The following ATP8A2 variants were observed in gnomAD, a reference collection of about 807,000 sequenced individuals.
The protein encoded by ATP8A2 is ATPase phospholipid transporting 8A2.
ATP8A2 carries 100 observed loss-of-function variants against 165.6 expected under a neutral mutation model. The observed-to-expected ratio is 0.60, with a 90% CI of 0.51 to 0.71. ATP8A2 has a LOEUF of 0.71. Ranked by LOEUF, ATP8A2 falls within the 30% of genes least tolerant of loss-of-function variation. The pLI is 0.00. For synonymous variants in ATP8A2, 543 were observed against 548.8 expected (o/e 0.99, Z 0.15); for missense variants, 1,227 against 1,479.5 (o/e 0.83, Z 2.80).
At chr13:25,618,278 A>G (rs1338325361) in intron 24 of ATP8A2, among the ~76,000 whole-genome samples, 1 of 152,154 alleles carries the variant, frequency 6.6e-6, no homozygotes, top group East Asian at 1.9e-4. Flanking sequence ...GTGCGTGTTT[A>G]TAAACACGAG....
chr13:25,405,358 C>G (rs1025864479), intron 1 of ATP8A2, among the ~76,000 whole-genome samples: 1 of 152,224 alleles, frequency 6.6e-6, no homozygotes, highest in African/African-American at 2.4e-5. Context: ...TATGATGAGT[C>G]ATGGATGCCC....
At chr13:25,397,268 T>G (rs2033460540) in intron 1 of ATP8A2, among the ~76,000 whole-genome samples, 3 of 152,212 alleles carry the variant, frequency 2.0e-5, no homozygotes, top group South Asian at 2.1e-4. Context: ...GAAAAAGGCT[T>G]GTCTCCTTCT....
chr13:25,564,141 T>C, intron 16 of ATP8A2, 110 bp downstream of exon 16: 2 of 770,284 alleles, frequency 2.6e-6, no homozygotes, highest in Non-Finnish European at 4.6e-6. Flanking sequence ...GGGAAAAGTC[T>C]CGACTTGATG....
At chr13:25,846,681 G>A (rs1204071319) in intron 30 of ATP8A2, among the ~76,000 whole-genome samples, 2 of 152,142 alleles carry the variant, frequency 1.3e-5, no homozygotes, top group Admixed American at 1.3e-4. Context: ...GCAGGGAGCT[G>A]TGCAGTCTGA....
At chr13:25,731,832 T>G (rs2138093729) in intron 25 of ATP8A2, among the ~76,000 whole-genome samples, 1 of 152,344 alleles carries the variant, frequency 6.6e-6, no homozygotes, top group African/African-American at 2.4e-5. Context: ...GAACTTGTTC[T>G]TTTTAAGCAA....
At chr13:25,409,661 A>T (rs1321022011) in intron 1 of ATP8A2, among the ~76,000 whole-genome samples, 2 of 152,206 alleles carry the variant, frequency 1.3e-5, no homozygotes, top group African/African-American at 4.8e-5. Context: ...ATGTACATCA[A>T]TGAAACAGGA....
chr13:25,418,547 T>C lies in ATP8A2; in HGVS notation c.76+46259T>C, dbSNP rs377457565. On this transcript the variant is annotated intron_variant, in intron 1 of 36. Coordinates refer to ENST00000381655, the MANE Select transcript of ATP8A2 (RefSeq NM_016529.6). ...AGAGAGAACTGGGAAGATGTTACAA[T>C]TGATTCCAGGCAGAATGCAAAGAGC... 7.2e-5 allele frequency among the ~76,000 whole-genome samples: 11 copies of C among 152,230 alleles called. No individual in the cohort carries two copies. The South Asian group carries it at 1.7e-3, about 23-fold the overall frequency.
intron 2 of ATP8A2, among the ~76,000 whole-genome samples, chr13:25,522,896 G>T (rs1010823358): frequency 2.6e-5 from 4 of 152,068 alleles, no homozygotes; most frequent in African/African-American, 7.2e-5. Flanking sequence ...GGCCAAGTTG[G>T]GTGAATCACT....
chr13:25,774,969 G>C lies in ATP8A2; in HGVS notation c.2679+10G>C, dbSNP rs1483610468. On this transcript the variant is annotated intron_variant, in intron 27 of 36. Coordinates refer to ENST00000381655, the MANE Select transcript of ATP8A2 (RefSeq NM_016529.6). Reference sequence around the variant, plus strand: ...CCTGTATATTATTGAGGTAAGAAGGGGTATTTTTTTTCCTTGAAGAGAAAG... The same window carrying C: ...CCTGTATATTATTGAGGTAAGAAGGCGTATTTTTTTTCCTTGAAGAGAAAG... The C allele has an allele frequency of 6.7e-7, 1 of 1,482,692 alleles. No homozygotes were observed. The highest frequency in any genetic ancestry group is 9.3e-7 in the Non-Finnish European group (1 of 1,072,646). 91.8% of individuals were successfully genotyped at this position (1,482,692 alleles called of 1,614,324 possible). A position where few individuals can be genotyped will look rare whatever the true frequency, so the allele number is the denominator to read the frequency against.
At chr13:25,918,581 A>G (rs1359905549) in intron 33 of ATP8A2, among the ~76,000 whole-genome samples, 3 of 152,156 alleles carry the variant, frequency 2.0e-5, no homozygotes, top group Admixed American at 2.0e-4. Flanking sequence ...GCAGCAGTTT[A>G]TGTTATAATA....
chr13:25,411,750 A>T (rs2033972843), intron 1 of ATP8A2, among the ~76,000 whole-genome samples: 1 of 152,226 alleles, frequency 6.6e-6, no homozygotes, highest in African/African-American at 2.4e-5. Context: ...AAATTGGCCG[A>T]TACTGGAAGG....
At chr13:25,777,232 T>G (rs1188129539) in intron 27 of ATP8A2, among the ~76,000 whole-genome samples, 1 of 152,210 alleles carries the variant, frequency 6.6e-6, no homozygotes, top group Admixed American at 6.5e-5. Context: ...GATATTAATT[T>G]GAAAACCAAG....
chr13:26,019,136 G>A (rs760848116), intron 36 of ATP8A2, among the ~76,000 whole-genome samples: 7 of 152,196 alleles, frequency 4.6e-5, no homozygotes, highest in South Asian at 2.1e-4. Context: ...GCTCAGGCCT[G>A]TAATCCCAGC....
chr13:25,663,889 A>G (rs1291355533), intron 24 of ATP8A2, among the ~76,000 whole-genome samples: 1 of 152,186 alleles, frequency 6.6e-6, no homozygotes, highest in Non-Finnish European at 1.5e-5. Flanking sequence ...TGAGGGGAAA[A>G]TATTCTGAAG....
intron 24 of ATP8A2, among the ~76,000 whole-genome samples, chr13:25,638,162 CAG>C (rs2041420144): frequency 6.6e-6 from 1 of 152,186 alleles, no homozygotes; most frequent in Non-Finnish European, 1.5e-5. Context: ...GGGGAAAAAA[CAG>C]AGCAGAAAAG....
intron 1 of ATP8A2, among the ~76,000 whole-genome samples, chr13:25,414,460 G>A (rs944235095): frequency 4.6e-5 from 7 of 152,246 alleles, no homozygotes; most frequent in African/African-American, 1.7e-4. Context: ...CCAAAGTGCC[G>A]GGATTACAGG....
intron 24 of ATP8A2, among the ~76,000 whole-genome samples, chr13:25,659,879 T>C (rs971419190): frequency 6.6e-6 from 1 of 152,190 alleles, no homozygotes; most frequent in Non-Finnish European, 1.5e-5. Flanking sequence ...GAGAGTGACC[T>C]TCCATTTCTA....
intron 24 of ATP8A2, among the ~76,000 whole-genome samples, chr13:25,603,602 A>G (rs1044760866): frequency 2.0e-5 from 3 of 152,062 alleles, no homozygotes; most frequent in Admixed American, 1.3e-4. Context: ...CAGGCAGAAG[A>G]TGATGGGGGT....
chr13:25,375,646 C>T (rs2032595519), intron 1 of ATP8A2, among the ~76,000 whole-genome samples: 1 of 147,508 alleles, frequency 6.8e-6, no homozygotes, highest in Non-Finnish European at 1.5e-5. Context: ...GATCTCGGCT[C>T]ACTGCAACCT....
Sources: gnomAD v4.1 joint callset for allele counts (sites outside exome capture counted in the v4.1 genomes callset) on GRCh38, gnomAD v4.1.1 for gene constraint, MANE v1.5 for transcripts, NCBI Gene and HGNC (gene_info 2026-07-23, HGNC 2026-07-21) for gene names.